The following SYBU variants were observed in gnomAD, a reference collection of about 807,000 sequenced individuals.
The protein encoded by SYBU is GOLSYN A protein.
A neutral mutation model predicts 35.9 loss-of-function variants in SYBU; 21 were observed. The ratio of observed to expected loss-of-function variants is 0.58; its 90% confidence interval spans 0.41 to 0.84. SYBU has a LOEUF of 0.84. Among genes scored for constraint, SYBU ranks in the 40% least tolerant of loss-of-function variants. The pLI, the probability that SYBU is intolerant of heterozygous loss-of-function variation, is 0.00. For synonymous variants in SYBU, 319 were observed against 324.3 expected, an observed-to-expected ratio of 0.98 and a Z score of 0.18; for missense variants, 768 against 848.2, an observed-to-expected ratio of 0.91 and a Z score of 1.17.
intron 6 of SYBU, among the ~76,000 whole-genome samples, 173 bp downstream of exon 6, chr8:109,577,695 C>T (rs1374231171): frequency 1.3e-5 from 2 of 152,150 alleles, no homozygotes; most frequent in African/African-American, 4.8e-5. Context: ...CCTGAAACAG[C>T]CATATCACAC....
At chr8:109,590,344 G>A (rs1478772376) in intron 3 of SYBU, among the ~76,000 whole-genome samples, 1 of 151,358 alleles carries the variant, frequency 6.6e-6, no homozygotes, top group Admixed American at 6.6e-5. Flanking sequence ...CCCCGTATAG[G>A]TATTTATCTC....
At chr8:109,615,299 G>A (rs1180786669) in intron 3 of SYBU, among the ~76,000 whole-genome samples, 2 of 152,176 alleles carry the variant, frequency 1.3e-5, no homozygotes, top group Non-Finnish European at 2.9e-5. Flanking sequence ...CATTTTGGCT[G>A]AGAGGAGATG....
At chr8:109,589,097 T>C (rs746602891) in intron 3 of SYBU, among the ~76,000 whole-genome samples, 7 of 151,956 alleles carry the variant, frequency 4.6e-5, no homozygotes, top group Non-Finnish European at 1.0e-4. Context: ...GAGTTGGAGG[T>C]TGCAGTGAGC....
At chr8:109,579,371 C>G (rs1448415080) in intron 5 of SYBU, among the ~76,000 whole-genome samples, 1 of 152,200 alleles carries the variant, frequency 6.6e-6, no homozygotes, top group Non-Finnish European at 1.5e-5. Context: ...ACCCTCCCCA[C>G]CTTTCACACA....
At chr8:109,588,696 C>G (rs1373982214) in intron 3 of SYBU, among the ~76,000 whole-genome samples, 3 of 152,060 alleles carry the variant, frequency 2.0e-5, no homozygotes, top group East Asian at 1.9e-4. Context: ...AGCTGGAGAC[C>G]TAATCACACC....
intron 3 of SYBU, among the ~76,000 whole-genome samples, chr8:109,604,047 A>C (rs1004462054): frequency 6.6e-6 from 1 of 152,216 alleles, no homozygotes; most frequent in African/African-American, 2.4e-5. Flanking sequence ...ATTTAAAACA[A>C]ATGCTTATCA....
chr8:109,684,783 T>C (rs1817482295), upstream of SYBU, among the ~76,000 whole-genome samples: 3 of 152,216 alleles, frequency 2.0e-5, no homozygotes, highest in African/African-American at 2.4e-5. Flanking sequence ...CTGTCATTTT[T>C]CTTCCTCTTC....
rs148764430 is a variant in SYBU, at chr8:109,688,490, C to T, written c.-58+2843G>A. On this transcript the variant is annotated intron_variant, in intron 1 of 7. Transcript: ENST00000422135. Reference sequence around the variant, plus strand: ...ATATTTAGGTATTCTGGGACTTCTGCCATTGGTGGCCAACCCCAAAGAAAA... The same window carrying T: ...ATATTTAGGTATTCTGGGACTTCTGTCATTGGTGGCCAACCCCAAAGAAAA... 2.5e-3 allele frequency among the ~76,000 whole-genome samples: 379 copies of T among 152,244 alleles called. 1 individual carries two copies. Among genetic ancestry groups the T allele is most frequent in the African/African-American group, 8.6e-3 (357 of 41,548 alleles).
chr8:109,586,425 A>C lies in SYBU; in HGVS notation c.428-263T>G, dbSNP rs1223947700. 1.1e-5 allele frequency: 5 copies of C among 441,282 alleles called. No homozygotes were observed. The East Asian group carries it at 2.0e-4, about 18-fold the overall frequency. The allele number at this position is 441,282 out of a possible 1,614,324, so 27.3% of individuals were successfully genotyped here. On this transcript the variant is annotated intron_variant, in intron 3 of 6. Coordinates refer to ENST00000276646, the MANE Select transcript of SYBU (RefSeq NM_001099754.2). ...GCCAGTCTTCCTGCAGACACTGTCA[A>C]CAGTGACCCAAGTGCATCAAGAAAT...
In SYBU at chr8:109,580,305, A is replaced by G. The variant is rs117700045; in HGVS notation, c.531-303T>C. The G allele has an allele frequency of 1.1e-4, 29 of 259,862 alleles. No homozygotes were observed. In the East Asian group the frequency reaches 2.1e-3, roughly 19 times the overall value. 16.1% of individuals were successfully genotyped at this position (259,862 alleles called of 1,614,324 possible). A position where few individuals can be genotyped will look rare whatever the true frequency, so the allele number is the denominator to read the frequency against. ...CATACACAATGTAGAATATTGATTT[A>G]GCTCAGGTTTATTTTGGAGGCTGTT... On this transcript the variant is annotated intron_variant, in intron 4 of 6. Coordinates refer to ENST00000276646, the MANE Select transcript of SYBU (RefSeq NM_001099754.2).
intron 2 of SYBU, among the ~76,000 whole-genome samples, chr8:109,636,824 G>T (rs1814282351): frequency 6.6e-6 from 1 of 152,180 alleles, no homozygotes; most frequent in South Asian, 2.1e-4. Context: ...CTGAACACAA[G>T]TTAAACCTAT....
chr8:109,680,546 C>G (rs548455289), intron 1 of SYBU, among the ~76,000 whole-genome samples: 1 of 55,138 alleles, frequency 1.8e-5, no homozygotes, highest in African/African-American at 1.6e-4. Flanking sequence ...TTCTCCCGAT[C>G]ATTTCTAACT....
intron 1 of SYBU, chr8:109,643,182 C>A: frequency 4.3e-6 from 5 of 1,165,838 alleles, no homozygotes; most frequent in Non-Finnish European, 5.3e-6. Flanking sequence ...CATATACACA[C>A]CTCCACTCAC....
At chr8:109,672,875 A>T (rs1817037770) in intron 1 of SYBU, among the ~76,000 whole-genome samples, 1 of 152,170 alleles carries the variant, frequency 6.6e-6, no homozygotes, top group Non-Finnish European at 1.5e-5. Flanking sequence ...CTGAGGCTTG[A>T]GTAGGTGATT....
At chr8:109,679,429 A>G (rs1176031178) in intron 1 of SYBU, among the ~76,000 whole-genome samples, 1 of 152,230 alleles carries the variant, frequency 6.6e-6, no homozygotes, top group Non-Finnish European at 1.5e-5. Context: ...TTTGCCTTGA[A>G]TTCTTTCTTG....
At chr8:109,607,958 A>G in intron 3 of SYBU, 2 of 1,535,360 alleles carry the variant, frequency 1.3e-6, no homozygotes, top group Admixed American at 2.0e-5. Flanking sequence ...TGCCTCTGCA[A>G]ACAGCCTCCC....
upstream of SYBU, among the ~76,000 whole-genome samples, chr8:109,683,641 T>A (rs531282009): frequency 6.6e-6 from 1 of 152,088 alleles, no homozygotes; most frequent in African/African-American, 2.4e-5. Context: ...TGGAAAGGCA[T>A]GATTGTGTTT....
chr8:109,636,215 C>T lies in SYBU; in HGVS notation c.229+6513G>A, dbSNP rs145709359. On this transcript the variant is annotated intron_variant, in intron 2 of 6. Coordinates refer to ENST00000276646, the MANE Select transcript of SYBU (RefSeq NM_001099754.2). ...CAAGGCTCATGTTTATCTACTACACCGCACTAATTAATGTTACTTCTTTTC... is the reference window on the plus strand; with the variant it reads ...CAAGGCTCATGTTTATCTACTACACTGCACTAATTAATGTTACTTCTTTTC... Among the ~76,000 whole-genome samples the T allele has an allele frequency of 5.7e-3, 865 of 152,216 alleles. 4 individuals are homozygous for T. The highest frequency in any genetic ancestry group is 0.018 in the African/African-American group (746 of 41,526).
chr8:109,594,731 G>C (rs940606896), intron 3 of SYBU, among the ~76,000 whole-genome samples: 2 of 152,098 alleles, frequency 1.3e-5, no homozygotes, highest in African/African-American at 4.8e-5. Flanking sequence ...GATTTTCTCA[G>C]TAGCACTGAC....
Sources: gnomAD v4.1 joint callset for allele counts (sites outside exome capture counted in the v4.1 genomes callset) on GRCh38, gnomAD v4.1.1 for gene constraint, MANE v1.5 for transcripts, NCBI Gene and HGNC (gene_info 2026-07-23, HGNC 2026-07-21) for gene names.